The following SULT1C2 variants were observed in gnomAD, a reference collection of about 807,000 sequenced individuals.
The protein encoded by SULT1C2 is sulfotransferase 1C2.
In SULT1C2, 27 loss-of-function variants were observed where a neutral mutation model predicts 36.0. The ratio of observed to expected loss-of-function variants is 0.75; its 90% confidence interval spans 0.55 to 1.03. The LOEUF is 1.03. Ranked by LOEUF, SULT1C2 falls within the 50% of genes least tolerant of loss-of-function variation. The pLI is 0.00. For missense variants in SULT1C2, 395 were observed against 359.2 expected (o/e 1.10, Z -0.80); for synonymous variants, 121 against 116.0 (o/e 1.04, Z -0.27).
In SULT1C2 at chr2:108,297,379, A is replaced by G. The variant is rs183148422; in HGVS notation, c.277+3025A>G. On this transcript the variant is annotated intron_variant, in intron 3 of 7. Coordinates refer to ENST00000251481, the MANE Select transcript of SULT1C2 (RefSeq NM_001056.4). ...ACTGCAAACTCTTTGATGGCAAGAA[A>G]CAAGTTCTGTTTAACTTTGTACTCC... Among the ~76,000 whole-genome samples, 273 of 152,352 alleles carry G rather than the reference A, an allele frequency of 1.8e-3. 1 individual carries two copies. Among genetic ancestry groups the G allele is most frequent in the African/African-American group, 6.3e-3 (262 of 41,578 alleles).
intron 7 of SULT1C2, among the ~76,000 whole-genome samples, chr2:108,306,282 T>C (rs888783280): frequency 6.6e-6 from 1 of 152,214 alleles, no homozygotes; most frequent in Non-Finnish European, 1.5e-5. Flanking sequence ...TATCACTTTC[T>C]AATTTAAAAA....
Position 108,305,223 on chromosome 2 carries a change from A to G in SULT1C2, c.554A>G (p.Asp185Gly). The G allele has an allele frequency of 6.2e-7, 1 of 1,614,178 alleles. No homozygotes were observed. Among genetic ancestry groups the G allele is most frequent in the South Asian group, 1.1e-5 (1 of 91,066 alleles). The change falls in exon 6 of 8, where the codon GAC (aspartate) becomes GGC (glycine). Residue 185 changes from aspartate to glycine, a missense_variant. Asp to Gly is a moderately conservative substitution (Grantham distance 94). Transcript: ENST00000251481. ...GTGAAAGGATGGTGGGAGATGAAAG[A>G]CAGACACCAGATTCTCTTCCTCTTC... ...DHVKGWWEMK[D>G]RHQILFLFYE...
intron 7 of SULT1C2, among the ~76,000 whole-genome samples, chr2:108,307,404 T>C (rs1426692328): frequency 1.3e-5 from 2 of 152,214 alleles, no homozygotes; most frequent in Admixed American, 6.5e-5. Context: ...GGGCAAGGCA[T>C]ATAGACTCAT....
intron 1 of SULT1C2, among the ~76,000 whole-genome samples, chr2:108,292,351 CT>C (rs1676612949): frequency 6.7e-6 from 1 of 149,582 alleles, no homozygotes; most frequent in African/African-American, 2.5e-5. Flanking sequence ...CTGCTTTCTC[CT>C]TTTGGTGCAT....
intron 3 of SULT1C2, 35 bp downstream of exon 3, chr2:108,294,389 T>G: frequency 6.2e-7 from 1 of 1,606,994 alleles, no homozygotes; most frequent in Non-Finnish European, 8.5e-7. Context: ...CTTCCTGCTT[T>G]CTTTCCCTCT....
chr2:108,289,383 C>T (rs1199268648), intron 1 of SULT1C2, among the ~76,000 whole-genome samples: 1 of 152,116 alleles, frequency 6.6e-6, no homozygotes, highest in Non-Finnish European at 1.5e-5. Flanking sequence ...CTTCTCTGGC[C>T]AAGACTATTT....
intron 1 of SULT1C2, among the ~76,000 whole-genome samples, chr2:108,293,205 G>GAAAAAAAAA (rs1676637540): frequency 7.3e-6 from 1 of 137,378 alleles, no homozygotes; most frequent in Non-Finnish European, 1.5e-5. Context: ...AAAAAAAAAG[G>GAAAAAAAAA]AAAGGTGTAT....
At position 108,308,478 on chromosome 2, in the gene SULT1C2, A is replaced by G. The variant is rs752370163; in HGVS notation, c.*14A>G. The G allele has an allele frequency of 6.3e-7, 1 of 1,591,294 alleles. No individual in the cohort carries two copies. The highest frequency in any genetic ancestry group is 8.5e-7 in the Non-Finnish European group (1 of 1,171,982). The stretch of plus-strand genomic sequence containing the variant: ...ATGGAACTCTGAGCAAGATGTAAAT[A>G]AAATTAAAAGGTGGATGGCAAGAGT... On this transcript the variant is annotated 3_prime_UTR_variant, in exon 8 of 8. Transcript: ENST00000251481.
At chr2:108,293,613 T>C (rs1177295338) in intron 1 of SULT1C2, 34 bp from the exon 2 acceptor site, 2 of 1,543,564 alleles carry the variant, frequency 1.3e-6, no homozygotes, top group Non-Finnish European at 8.7e-7. Context: ...TTACCACAAC[T>C]TCTTTAAAAA....
chr2:108,291,424 T>A (rs777293901), intron 1 of SULT1C2, among the ~76,000 whole-genome samples: 3 of 152,146 alleles, frequency 2.0e-5, no homozygotes, highest in Non-Finnish European at 4.4e-5. Context: ...TGCCACACAA[T>A]GTAATGTATT....
chr2:108,297,658 AC>A (rs1475010566), intron 3 of SULT1C2, among the ~76,000 whole-genome samples: 1 of 150,736 alleles, frequency 6.6e-6, no homozygotes, highest in Non-Finnish European at 1.5e-5. Flanking sequence ...GGGTGAGGCA[AC>A]CCCATGGGGC....
intron 4 of SULT1C2, 64 bp from the exon 5 acceptor site, chr2:108,304,510 A>G (rs1401357454): frequency 6.5e-7 from 1 of 1,541,188 alleles, no homozygotes; most frequent in African/African-American, 1.4e-5. Context: ...GCTCTGCCTA[A>G]GGGAACTCTG....
chr2:108,291,627 AT>A (rs1302306755), intron 1 of SULT1C2, among the ~76,000 whole-genome samples: 2 of 152,164 alleles, frequency 1.3e-5, no homozygotes, highest in African/African-American at 4.8e-5. Flanking sequence ...ACAAGAGGCA[AT>A]TTTTAAAGAA....
chr2:108,306,420 C>T (rs1186975753), intron 7 of SULT1C2, among the ~76,000 whole-genome samples: 1 of 143,946 alleles, frequency 6.9e-6, no homozygotes, highest in African/African-American at 2.7e-5. Flanking sequence ...GACTGGGCAA[C>T]ACAGCAAGAC....
intron 3 of SULT1C2, among the ~76,000 whole-genome samples, chr2:108,295,738 A>T (rs1676709133): frequency 6.6e-6 from 1 of 152,216 alleles, no homozygotes; most frequent in South Asian, 2.1e-4. Context: ...AGCTATCTTT[A>T]CTAACCACTT....
At chr2:108,290,241 A>G (rs1214104030) in intron 1 of SULT1C2, among the ~76,000 whole-genome samples, 4 of 152,086 alleles carry the variant, frequency 2.6e-5, no homozygotes, top group Non-Finnish European at 5.9e-5. Context: ...GTGTCCTTAC[A>G]TGGTCTTTCC....
Position 108,304,640 on chromosome 2 carries a change from CACATGCT to C in SULT1C2, c.443_449del (p.His148LeufsTer28). On this transcript the variant is annotated frameshift_variant, in exon 5 of 8. Coordinates refer to ENST00000251481, the MANE Select transcript of SULT1C2 (RefSeq NM_001056.4). LOFTEE classifies it high-confidence loss of function. Reference sequence around the variant, plus strand: ...CTACTACCATTTCCAAAGGATGAACCACATGCTTCCTGACCCTGGTACCTGGGAAGAG... The same window carrying C: ...CTACTACCATTTCCAAAGGATGAACCTCCTGACCCTGGTACCTGGGAAGAG... 1 of 1,613,820 alleles carries C rather than the reference CACATGCT, an allele frequency of 6.2e-7. No individual in the cohort carries two copies. Among genetic ancestry groups the C allele is most frequent in the Non-Finnish European group, 8.5e-7 (1 of 1,179,906 alleles).
intron 4 of SULT1C2, chr2:108,304,338 C>A: frequency 2.6e-6 from 1 of 387,226 alleles, no homozygotes; most frequent in Non-Finnish European, 4.6e-6. Context: ...CAATCTAATC[C>A]TCACCAATCC....
Position 108,308,522 on chromosome 2 carries a change from C to A in SULT1C2, c.*58C>A. 7.3e-7 allele frequency: 1 copy of A among 1,379,048 alleles called. No homozygotes were observed. Among genetic ancestry groups the A allele is most frequent in the South Asian group, 1.3e-5 (1 of 74,186 alleles). The allele number at this position is 1,379,048 out of a possible 1,614,324, so 85.4% of individuals were successfully genotyped here. A position where few individuals can be genotyped will look rare whatever the true frequency, so the allele number is the denominator to read the frequency against. Reference sequence around the variant, plus strand: ...CAAGAGTGCAAATACTATCTTCAATCCTTCAGTCCCAGCCAGAAGAATCTC... The same window carrying A: ...CAAGAGTGCAAATACTATCTTCAATACTTCAGTCCCAGCCAGAAGAATCTC... On this transcript the variant is annotated 3_prime_UTR_variant, in exon 8 of 8. Transcript: ENST00000251481.
Sources: allele counts gnomAD v4.1 joint callset (sites outside exome capture counted in the v4.1 genomes callset), GRCh38; gene constraint gnomAD v4.1.1; transcripts MANE v1.5; gene names NCBI Gene and HGNC (gene_info 2026-07-23, HGNC 2026-07-21).